The following BABAM2 variants were observed in gnomAD, a reference collection of about 807,000 sequenced individuals.
BABAM2 encodes the protein BRISC and BRCA1-A complex member 2.
BABAM2 carries 31 observed loss-of-function variants against 54.7 expected under a neutral mutation model. The observed-to-expected ratio is 0.57, with a 90% CI of 0.43 to 0.77. The LOEUF (loss-of-function observed/expected upper bound fraction) is 0.77, where lower values mean the gene tolerates loss of function less well. BABAM2 is among the 30% of genes least tolerant of loss of function. The pLI is 0.00. For synonymous variants in BABAM2, 167 were observed against 162.9 expected (o/e 1.03, Z -0.19); for missense variants, 364 against 455.8 (o/e 0.80, Z 1.83).
At chr2:27,933,147 A>G (rs1357372045) in intron 3 of BABAM2, among the ~76,000 whole-genome samples, 4 of 152,342 alleles carry the variant, frequency 2.6e-5, no homozygotes, top group East Asian at 3.9e-4. Context: ...TCTCATTACT[A>G]TAAGCTCTTC....
chr2:28,292,672 G>A (rs190915311), intron 10 of BABAM2, among the ~76,000 whole-genome samples: 1 of 152,298 alleles, frequency 6.6e-6, no homozygotes, highest in East Asian at 1.9e-4. Context: ...CACATGATCA[G>A]CTCTAAGGCA....
At chr2:28,073,046 C>T (rs907002292) in intron 6 of BABAM2, among the ~76,000 whole-genome samples, 2 of 152,176 alleles carry the variant, frequency 1.3e-5, no homozygotes, top group Admixed American at 1.3e-4. Flanking sequence ...TCTTTCTCTG[C>T]TAGATTGAGT....
intron 10 of BABAM2, among the ~76,000 whole-genome samples, chr2:28,282,822 A>T (rs891816014): frequency 6.6e-6 from 1 of 151,488 alleles, no homozygotes; most frequent in African/African-American, 2.4e-5. Context: ...ACATGGTGAA[A>T]CCCCATCTCT....
chr2:28,089,673 G>C (rs116068949), intron 6 of BABAM2, among the ~76,000 whole-genome samples: 161 of 152,294 alleles, frequency 1.1e-3, no homozygotes, highest in Non-Finnish European at 1.8e-3. Context: ...AGTGTTGTTA[G>C]CTCAGCTACT....
chr2:28,024,461 A>G (rs922761307), intron 4 of BABAM2, among the ~76,000 whole-genome samples: 1 of 152,212 alleles, frequency 6.6e-6, no homozygotes, highest in Non-Finnish European at 1.5e-5. Flanking sequence ...TTATAAAGTC[A>G]TAACCCTTGA....
intron 10 of BABAM2, among the ~76,000 whole-genome samples, chr2:28,260,173 G>A (rs1012358648): frequency 3.9e-5 from 6 of 152,008 alleles, no homozygotes; most frequent in Non-Finnish European, 1.5e-5. Context: ...TGAGATTACA[G>A]GCGTGAGCCA....
At chr2:28,046,967 T>C (rs1677629672) in intron 6 of BABAM2, among the ~76,000 whole-genome samples, 1 of 152,088 alleles carries the variant, frequency 6.6e-6, no homozygotes, top group Non-Finnish European at 1.5e-5. Context: ...AGGGTCTCAG[T>C]GGTCCTCCCA....
At chr2:27,967,921 G>T (rs1670941590) in intron 3 of BABAM2, among the ~76,000 whole-genome samples, 2 of 152,166 alleles carry the variant, frequency 1.3e-5, no homozygotes, top group Admixed American at 1.3e-4. Flanking sequence ...GCATTCAAAA[G>T]GTGACTTGGG....
At chr2:27,952,160 A>C (rs1669777383) in intron 3 of BABAM2, among the ~76,000 whole-genome samples, 1 of 152,210 alleles carries the variant, frequency 6.6e-6, no homozygotes, top group South Asian at 2.1e-4. Context: ...TTTACACGGT[A>C]CATCTTTTCC....
chr2:27,972,519 A>T (rs890151763), intron 3 of BABAM2, among the ~76,000 whole-genome samples: 1 of 152,192 alleles, frequency 6.6e-6, no homozygotes, highest in East Asian at 1.9e-4. Flanking sequence ...TTTCCTGTAG[A>T]TCTGTGCTGT....
chr2:28,292,897 T>C (rs1342272576), intron 10 of BABAM2, among the ~76,000 whole-genome samples: 1 of 152,212 alleles, frequency 6.6e-6, no homozygotes, highest in Non-Finnish European at 1.5e-5. Context: ...GGAGAATGGC[T>C]GTTAGGTACG....
intron 3 of BABAM2, among the ~76,000 whole-genome samples, chr2:27,954,370 C>T (rs1669942619): frequency 1.3e-5 from 2 of 152,252 alleles, no homozygotes; most frequent in African/African-American, 4.8e-5. Flanking sequence ...TGCAGCAGCA[C>T]TGTGAGGGAC....
chr2:28,237,416 C>T lies in BABAM2; in HGVS notation c.780+115C>T. On this transcript the variant is annotated intron_variant, in intron 8 of 11. Transcript: ENST00000379624. The stretch of plus-strand genomic sequence containing the variant: ...CTCGGACCGACTGCTCAGTTTCAGC[C>T]TCCATCTGACACCTGCCCTTCCTAC... 9 of 840,196 alleles carry T rather than the reference C, an allele frequency of 1.1e-5. No individual in the cohort carries two copies. The Middle Eastern group carries it at 2.4e-3, about 222-fold the overall frequency. The allele number at this position is 840,196 out of a possible 1,614,324, so 52.0% of individuals were successfully genotyped here.
chr2:28,188,451 C>A (rs1248513669), intron 7 of BABAM2, among the ~76,000 whole-genome samples: 1 of 152,092 alleles, frequency 6.6e-6, no homozygotes, highest in Non-Finnish European at 1.5e-5. Context: ...GGGTCAGAAC[C>A]CAATAATGGA....
intron 4 of BABAM2, among the ~76,000 whole-genome samples, chr2:28,015,215 G>C (rs749976590): frequency 1.3e-5 from 2 of 152,132 alleles, no homozygotes; most frequent in African/African-American, 2.4e-5. Context: ...AGGATCAAAG[G>C]CACACTATTC....
chr2:28,176,334 G>T (rs1161633866), intron 7 of BABAM2, among the ~76,000 whole-genome samples: 1 of 151,778 alleles, frequency 6.6e-6, no homozygotes, highest in South Asian at 2.1e-4. Flanking sequence ...CTTTGGGAGG[G>T]TGCAGTGGGT....
chr2:28,315,503 C>T (rs528949614), intron 11 of BABAM2, among the ~76,000 whole-genome samples: 1 of 142,116 alleles, frequency 7.0e-6, no homozygotes, highest in Admixed American at 7.2e-5. Context: ...GAGTCTCACT[C>T]TGTTGCCAGG....
chr2:28,131,366 C>T (rs1465507155), intron 7 of BABAM2, among the ~76,000 whole-genome samples: 2 of 117,206 alleles, frequency 1.7e-5, no homozygotes. Context: ...CAGGCGTGAG[C>T]CACCGCGCCC....
intron 6 of BABAM2, among the ~76,000 whole-genome samples, chr2:28,066,366 A>G (rs1663568162): frequency 6.6e-6 from 1 of 151,994 alleles, no homozygotes; most frequent in Non-Finnish European, 1.5e-5. Flanking sequence ...ATTCTTTAGT[A>G]TATTGTTTGG....
Sources: gnomAD v4.1 joint callset for allele counts (sites outside exome capture counted in the v4.1 genomes callset) on GRCh38, gnomAD v4.1.1 for gene constraint, MANE v1.5 for transcripts, NCBI Gene and HGNC (gene_info 2026-07-23, HGNC 2026-07-21) for gene names.